PUF60: variants seen among roughly 807,000 people sequenced by gnomAD.
PUF60 encodes the protein poly(U) binding splicing factor 60, also known as poly(U)-binding-splicing factor PUF60.
Under a neutral mutation model 61.8 loss-of-function variants are expected in PUF60, and 10 were observed. The observed-to-expected ratio is 0.16, with a 90% CI of 0.10 to 0.27. PUF60 has a LOEUF of 0.27. PUF60 is among the 10% of genes least tolerant of loss of function. PUF60 has a pLI of 1.00. For synonymous variants in PUF60, 353 were observed against 300.9 expected, an observed-to-expected ratio of 1.17 and a Z score of -1.79; for missense variants, 371 against 754.0, an observed-to-expected ratio of 0.49 and a Z score of 5.95.
At position 143,816,371 on chromosome 8, in the gene PUF60, C is replaced by T. The variant is rs1261229000; in HGVS notation, c.*149G>A. 8.0e-6 allele frequency: 7 copies of T among 874,286 alleles called. No individual in the cohort carries two copies. In the East Asian group the frequency reaches 1.6e-4, roughly 20 times the overall value. The allele number at this position is 874,286 out of a possible 1,614,324, so 54.2% of individuals were successfully genotyped here. On this transcript the variant is annotated 3_prime_UTR_variant, in exon 12 of 12. Transcript: ENST00000526683. ...GGTGACAGGACCGACGGCAGACACA[C>T]GGACGTTCAGGGCCAGCAGCATCCG...
rs750803919 is a variant in PUF60 at position 143,816,830 on chromosome 8, G to C, written c.1381-11C>G. Reference sequence around the variant, plus strand: ...AACCATCACTGTAGACTGTGGGGCAGGGCCGAGGGGAAGACAGCTGAGCAC... The same window carrying C: ...AACCATCACTGTAGACTGTGGGGCACGGCCGAGGGGAAGACAGCTGAGCAC... On this transcript the variant is annotated splice_polypyrimidine_tract_variant and intron_variant, in intron 11 of 11. Coordinates refer to ENST00000526683, the MANE Select transcript of PUF60 (RefSeq NM_078480.3). The C allele has an allele frequency of 6.2e-7, 1 of 1,610,042 alleles. No individual in the cohort carries two copies. The highest frequency in any genetic ancestry group is 1.1e-5 in the South Asian group (1 of 90,956).
rs867280607 is a variant in PUF60 at position 143,816,725 on chromosome 8, G to A, written c.1475C>T (p.Ala492Val). 6.2e-7 allele frequency: 1 copy of A among 1,613,660 alleles called. No individual in the cohort carries two copies. The highest frequency in any genetic ancestry group is 1.3e-5 in the African/African-American group (1 of 74,912). ...TTGGTAGATGATGACGCGGTTCACG[G>A]CCCCGAACTTGCCACACTCCTCTGT... ...EVTEECGKFG[A>V]VNRVIIYQEK... Residue 492 changes from alanine to valine, a missense_variant, in exon 12 of 12, where the codon GCC (alanine) becomes GTC (valine). Ala to Val is a moderately conservative substitution (Grantham distance 64). This residue lies in a region of PUF60 where 38 missense variants were observed against 112.9 expected (regional missense o/e 0.34). Coordinates refer to ENST00000526683, the MANE Select transcript of PUF60 (RefSeq NM_078480.3).
At chr8:143,824,666 G>A (rs1424565694) in intron 1 of PUF60, 1 of 519,442 alleles carries the variant, frequency 1.9e-6, no homozygotes, top group Non-Finnish European at 3.4e-6. Flanking sequence ...GGTAGAGAGA[G>A]CTGTGCTCCT....
Position 143,817,733 on chromosome 8 carries a change from G to A in PUF60, c.867C>T (p.Leu289=). 1 of 1,612,654 alleles carries A rather than the reference G, an allele frequency of 6.2e-7. No individual in the cohort carries two copies. The highest frequency in any genetic ancestry group is 8.5e-7 in the Non-Finnish European group (1 of 1,179,832). Residue 289 remains leucine (L), a synonymous_variant, in exon 9 of 12, where the codon CTC becomes CTT. Transcript: ENST00000526683. The surrounding 1 kb of genome is among the most constrained non-coding windows in gnomAD (Gnocchi z 7.4). The part of the protein sequence containing the change: ...SSQDAVSSMN[L]FDLGGQYLRV... ...GCAAGTACTGGCCACCCAGGTCAAA[G>A]AGGTTCATGGAAGACACAGCATCTT...
chr8:143,821,954 G>A (rs1465408254), intron 2 of PUF60, 41 bp from the exon 3 acceptor site: 1 of 1,500,452 alleles, frequency 6.7e-7, no homozygotes, highest in South Asian at 1.2e-5. Flanking sequence ...GCAAGCTCAA[G>A]TTCTCCTTCA....
Position 143,818,560 on chromosome 8 carries a change from C to G in PUF60, c.349-26G>C, listed in dbSNP as rs1464067491. 6.4e-7 allele frequency: 1 copy of G among 1,551,284 alleles called. No individual in the cohort carries two copies. On this transcript the variant is annotated intron_variant, in intron 5 of 11. Transcript: ENST00000526683. The surrounding 1 kb of genome is among the most constrained non-coding windows in gnomAD (Gnocchi z 7.9). ...CTGCAGCAGGACAGAGGGGAGAGAA[C>G]CGCTGGCTCGTCAGGGGCGGCAGGA...
chr8:143,818,677 T>C lies in PUF60; in HGVS notation c.349-143A>G, dbSNP rs1399830726. On this transcript the variant is annotated intron_variant, in intron 5 of 11. Transcript: ENST00000526683. This position sits in a 1 kb window ranked among gnomAD's most constrained non-coding sequence, Gnocchi z 7.9. ...GACAGGGAGGTGCGGGCTCCATCCCTGCAGTCATAGTGTGGGGGTCGCAGG... is the reference window on the plus strand; with the variant it reads ...GACAGGGAGGTGCGGGCTCCATCCCCGCAGTCATAGTGTGGGGGTCGCAGG... The C allele has an allele frequency of 4.5e-6, 4 of 897,662 alleles. No individual in the cohort carries two copies. Among genetic ancestry groups the C allele is most frequent in the South Asian group, 1.8e-5 (1 of 55,852 alleles). 55.6% of individuals were successfully genotyped at this position (897,662 alleles called of 1,614,324 possible). A position where few individuals can be genotyped will look rare whatever the true frequency, so the allele number is the denominator to read the frequency against.
At chr8:143,827,313 G>C in intron 1 of PUF60, 1 of 454,888 alleles carries the variant, frequency 2.2e-6, no homozygotes. Context: ...CCCCAAATGA[G>C]AGCTGGTCTG....
chr8:143,824,392 T>C lies in PUF60; in HGVS notation c.32A>G (p.Asn11Ser), dbSNP rs778177315. 1.2e-6 allele frequency: 2 copies of C among 1,612,002 alleles called. No homozygotes were observed. Among genetic ancestry groups the C allele is most frequent in the Non-Finnish European group, 1.7e-6 (2 of 1,179,762 alleles). The change falls in exon 2 of 12, where the codon AAT becomes AGT. Residue 11 changes from asparagine to serine, a missense_variant. This residue lies in a region of PUF60 where 69 missense variants were observed against 64.7 expected (regional missense o/e 1.07). Transcript: ENST00000526683. Reference protein sequence around the residue: MATATIALQVNGQQGGGSEPA... With the variant: MATATIALQVSGQQGGGSEPA... ...CTCGGACCCCCCTCCTTGCTGGCCA[T>C]TGACCTGCTGCAGGCAGGAAGGAGA... is the stretch of plus-strand genomic sequence containing the variant.
In PUF60 at chr8:143,817,131, G is replaced by A. The variant is rs1360290859; in HGVS notation, c.1159C>T (p.Arg387Cys). 1.2e-6 allele frequency: 2 copies of A among 1,604,168 alleles called. No individual in the cohort carries two copies. Among genetic ancestry groups the A allele is most frequent in the Non-Finnish European group, 1.7e-6 (2 of 1,175,504 alleles). ...PGVITGVTPARPPIPVTIPSV... is the reference protein window; with the variant it reads ...PGVITGVTPACPPIPVTIPSV... ...GGGATGGTGACCGGGATAGGAGGAC[G>A]GGCTGGGGTCACACCTGCAGGAAAA... Residue 387 changes from arginine (R) to cysteine (C), a missense_variant, in exon 11 of 12, where the codon CGT becomes TGT. By Grantham distance (180) the Arg-to-Cys change is radical. Around this residue, in one of 13 missense-constraint regions of PUF60, gnomAD observed 68 missense variants for 69.4 expected, o/e 0.98. Transcript: ENST00000526683. The surrounding 1 kb of genome is among the most constrained non-coding windows in gnomAD (Gnocchi z 7.4).
chr8:143,823,464 CTT>C (rs1817257477), intron 2 of PUF60, among the ~76,000 whole-genome samples: 1 of 152,244 alleles, frequency 6.6e-6, no homozygotes, highest in Non-Finnish European at 1.5e-5. Flanking sequence ...TCAATCTCCT[CTT>C]TGTCTTGGTA....
At chr8:143,824,247 CAGGCAGGCGG>C (rs1312393776) in intron 2 of PUF60, 56 bp downstream of exon 2, 112 of 1,474,868 alleles carry the variant, frequency 7.6e-5, no homozygotes, top group Non-Finnish European at 9.8e-5. Context: ...CAGGGACGCA[CAGGCAGGCGG>C]GCGGGCGGGC....
rs533670283 is a variant in PUF60, at chr8:143,821,039, G to A, written c.298-323C>T. On this transcript the variant is annotated intron_variant, in intron 4 of 11. Coordinates refer to ENST00000526683, the MANE Select transcript of PUF60 (RefSeq NM_078480.3). ...ATGTCTGAGGGCTGGGCGGGGGGGCGTGAGGCTCGAGGCCCAGGAACCTGT... is the reference window on the plus strand; with the variant it reads ...ATGTCTGAGGGCTGGGCGGGGGGGCATGAGGCTCGAGGCCCAGGAACCTGT... 1.4e-3 allele frequency among the ~76,000 whole-genome samples: 211 copies of A among 152,204 alleles called. 1 individual carries two copies. The highest frequency in any genetic ancestry group is 2.4e-3 in the Non-Finnish European group (166 of 68,010).
chr8:143,817,775 C>T lies in PUF60; in HGVS notation c.825G>A (p.Glu275=). The part of the protein sequence containing the change: ...KHKGYGFIEY[E]KAQSSQDAVS... ...CAGCATCTTGGGACGACTGGGCCTT[C>T]TCGTACTCTGTGGGCAGGAGCAGCA... Residue 275 remains glutamate, a synonymous_variant, in exon 9 of 12, where the codon GAG becomes GAA. Transcript: ENST00000526683. This position sits in a 1 kb window ranked among gnomAD's most constrained non-coding sequence, Gnocchi z 7.4. The T allele has an allele frequency of 3.7e-6, 6 of 1,610,718 alleles. No individual in the cohort carries two copies. Among genetic ancestry groups the T allele is most frequent in the Non-Finnish European group, 5.1e-6 (6 of 1,178,934 alleles).
chr8:143,819,111 T>C (rs1222655806), intron 5 of PUF60: 1 of 152,578 alleles, frequency 6.6e-6, no homozygotes, highest in Non-Finnish European at 1.5e-5. Flanking sequence ...TGGGGGCTCA[T>C]GCTGTGCCTT....
intron 1 of PUF60, chr8:143,829,038 G>T: frequency 1.0e-6 from 1 of 1,004,920 alleles, no homozygotes; most frequent in South Asian, 4.6e-5. Flanking sequence ...CACACGCCGC[G>T]CCCAGGCCCC....
Position 143,817,303 on chromosome 8 carries a change from AG to A in PUF60, c.1144+27del. The stretch of plus-strand genomic sequence containing the variant: ...CCGAGAGATGCCAGGACAGGAGAGG[AG>A]AGGATCTGGTACCACTTAAGACTCA... On this transcript the variant is annotated intron_variant, in intron 10 of 11. Transcript: ENST00000526683. This position sits in a 1 kb window ranked among gnomAD's most constrained non-coding sequence, Gnocchi z 7.4. The A allele has an allele frequency of 6.4e-7, 1 of 1,573,268 alleles. No individual in the cohort carries two copies. Among genetic ancestry groups the A allele is most frequent in the Non-Finnish European group, 8.6e-7 (1 of 1,163,452 alleles).
rs759123506 is a variant in PUF60, at chr8:143,821,921, G to C, written c.112-8C>G. ...CTTGATGGAGTCTGTGCCCTGGTAA[G>C]GGAGCAGGGGAATCCATCAGCAGCA... On this transcript the variant is annotated splice_polypyrimidine_tract_variant and splice_region_variant and intron_variant, in intron 2 of 11. Coordinates refer to ENST00000526683, the MANE Select transcript of PUF60 (RefSeq NM_078480.3). The C allele has an allele frequency of 9.5e-6, 15 of 1,579,538 alleles. No individual in the cohort carries two copies. The South Asian group carries it at 1.6e-4, about 17-fold the overall frequency.
intron 1 of PUF60, 44 bp downstream of exon 1, chr8:143,829,236 C>G (rs1414356042): frequency 8.1e-7 from 1 of 1,241,886 alleles, no homozygotes; most frequent in African/African-American, 1.6e-5. Context: ...CGACCCGGCC[C>G]CGCAAGCCGA....
Sources: allele counts gnomAD v4.1 joint callset (sites outside exome capture counted in the v4.1 genomes callset), GRCh38; gene constraint gnomAD v4.1.1; regional missense constraint gnomAD v4.1.1; non-coding constraint Gnocchi (gnomAD v3.1); transcripts MANE v1.5; gene names NCBI Gene and HGNC (gene_info 2026-07-23, HGNC 2026-07-21).